CACNA1B: variants seen among roughly 807,000 people sequenced by gnomAD.
CACNA1B encodes voltage-dependent N-type calcium channel subunit alpha-1B.
A neutral mutation model predicts 247.2 loss-of-function variants in CACNA1B; 70 were observed. The ratio of observed to expected loss-of-function variants is 0.28; its 90% confidence interval spans 0.23 to 0.35. The LOEUF is 0.35. Ranked by LOEUF, CACNA1B falls within the 10% of genes least tolerant of loss-of-function variation. CACNA1B has a pLI of 1.00. For synonymous variants in CACNA1B, 1,231 were observed against 1,294.4 expected (o/e 0.95, Z 1.05); for missense variants, 2,367 against 3,197.4 (o/e 0.74, Z 6.26).
At chr9:138,022,698 G>T (rs1209980980) in intron 18 of CACNA1B, among the ~76,000 whole-genome samples, 1 of 151,966 alleles carries the variant, frequency 6.6e-6, no homozygotes, top group Admixed American at 6.5e-5. Flanking sequence ...CACCTGCTTG[G>T]CCTGTCTGGT....
At chr9:137,987,451 T>C (rs957906662) in intron 15 of CACNA1B, among the ~76,000 whole-genome samples, 1 of 152,202 alleles carries the variant, frequency 6.6e-6, no homozygotes, top group African/African-American at 2.4e-5. Context: ...TGCCCATGAC[T>C]GGCCTTACTG....
Position 138,120,851 on chromosome 9 carries a change from A to T in CACNA1B, c.6459A>T (p.Thr2153=). 1 of 1,573,240 alleles carries T rather than the reference A, an allele frequency of 6.4e-7. No individual in the cohort carries two copies. Among genetic ancestry groups the T allele is most frequent in the Non-Finnish European group, 8.6e-7 (1 of 1,159,700 alleles). ...PSLSSHPTSP[T]AGQEPGPHPQ... is the part of the protein sequence containing the mutation. ...TCAGCAGCCACCCAACGTCGCCAAC[A>T]GCTGGCCAGGAGCCGGGACCCCACC... Residue 2153 remains threonine, a synonymous_variant, in exon 46 of 47, where the codon ACA becomes ACT. Transcript: ENST00000371372.
At chr9:137,967,083 C>T (rs1958088229) in intron 10 of CACNA1B, among the ~76,000 whole-genome samples, 1 of 151,986 alleles carries the variant, frequency 6.6e-6, no homozygotes, top group South Asian at 2.1e-4. Context: ...CCAAGTTCTG[C>T]TGCTTTAATC....
chr9:138,112,306 C>G, intron 39 of CACNA1B, 92 bp from the exon 40 acceptor site: 1 of 850,720 alleles, frequency 1.2e-6, no homozygotes, highest in South Asian at 1.5e-5. Flanking sequence ...CCATTCATCT[C>G]CCCACCTGCA....
At position 138,020,555 on chromosome 9, in the gene CACNA1B, C is replaced by G. The variant is rs1958831970; in HGVS notation, c.2268-2456C>G. ...CCTAGGGGATACCTCCAGAGAGGAACTTGGTGGTGCTGGCCGAGTGAGGGC... is the reference window on the plus strand; with the variant it reads ...CCTAGGGGATACCTCCAGAGAGGAAGTTGGTGGTGCTGGCCGAGTGAGGGC... On this transcript the variant is annotated intron_variant, in intron 18 of 46. Coordinates refer to ENST00000371372, the MANE Select transcript of CACNA1B (RefSeq NM_000718.4). The surrounding 1 kb of genome is among the most constrained non-coding windows in gnomAD (Gnocchi z 4.1). Among the ~76,000 whole-genome samples the G allele has an allele frequency of 6.6e-6, 1 of 152,162 alleles. No homozygotes were observed. Among genetic ancestry groups the G allele is most frequent in the South Asian group, 2.1e-4 (1 of 4,832 alleles).
rs200099852 is a variant in CACNA1B at position 138,006,805 on chromosome 9, C to T, written c.2013C>T (p.His671=). ...AGGACTGGAATGCAGTGATGTATCA[C>T]GGGATCGAATCGCAAGGCGGCGTCA... is the stretch of plus-strand genomic sequence containing the variant. ...TGEDWNAVMY[H]GIESQGGVSK... The change falls in exon 16 of 47, where the codon CAC becomes CAT. Residue 671 remains histidine, a synonymous_variant. Coordinates refer to ENST00000371372, the MANE Select transcript of CACNA1B (RefSeq NM_000718.4). 8.1e-6 allele frequency: 13 copies of T among 1,610,456 alleles called. No homozygotes were observed. The highest frequency in any genetic ancestry group is 4.0e-5 in the African/African-American group (3 of 74,850).
Position 138,122,168 on chromosome 9 carries a change from T to TA in CACNA1B, c.*172dup. ...CCCCTCTTTTACTCTAGACGACGAA[T>TA]AAAGCCCTGTTAGAGGATGCGGCTC... On this transcript the variant is annotated 3_prime_UTR_variant, in exon 47 of 47. Coordinates refer to ENST00000371372, the MANE Select transcript of CACNA1B (RefSeq NM_000718.4). 1.6e-6 allele frequency: 1 copy of TA among 618,914 alleles called. No homozygotes were observed. The highest frequency in any genetic ancestry group is 2.8e-6 in the Non-Finnish European group (1 of 354,276). 38.3% of individuals were successfully genotyped at this position (618,914 alleles called of 1,614,324 possible). A position where few individuals can be genotyped will look rare whatever the true frequency, so the allele number is the denominator to read the frequency against.
intron 15 of CACNA1B, among the ~76,000 whole-genome samples, chr9:138,004,354 C>T (rs978279231): frequency 6.6e-6 from 1 of 151,738 alleles, no homozygotes; most frequent in Non-Finnish European, 1.5e-5. Context: ...TCAAGACCAG[C>T]CTGGGCAACA....
At position 137,957,113 on chromosome 9, in the gene CACNA1B, G is replaced by A. The variant is rs370229393; in HGVS notation, c.1243+286G>A. 2.2e-4 allele frequency among the ~76,000 whole-genome samples: 34 copies of A among 152,204 alleles called. No homozygotes were observed. Among genetic ancestry groups the A allele is most frequent in the African/African-American group, 7.7e-4 (32 of 41,450 alleles). ...TGGCACAACCTGGGGCCATGAGAGGGAGCCCGGGCCCCACTGCTGTGGTTG... is the reference window on the plus strand; with the variant it reads ...TGGCACAACCTGGGGCCATGAGAGGAAGCCCGGGCCCCACTGCTGTGGTTG... On this transcript the variant is annotated intron_variant, in intron 9 of 46. Transcript: ENST00000371372. The surrounding 1 kb of genome is among the most constrained non-coding windows in gnomAD (Gnocchi z 4.7).
At position 137,952,740 on chromosome 9, in the gene CACNA1B, GGT is replaced by G. The variant is rs1957893367; in HGVS notation, c.1070+364_1070+365del. On this transcript the variant is annotated intron_variant, in intron 7 of 46. Transcript: ENST00000371372. This position sits in a 1 kb window ranked among gnomAD's most constrained non-coding sequence, Gnocchi z 4.8. ...GTTGGTCTGGGGGGATGGGAGGTGT[GGT>G]CTGTATTGGGAGGTTGGTCTGGGTG... Among the ~76,000 whole-genome samples the G allele has an allele frequency of 6.7e-6, 1 of 150,026 alleles. No homozygotes were observed. Among genetic ancestry groups the G allele is most frequent in the Non-Finnish European group, 1.5e-5 (1 of 67,762 alleles).
intron 3 of CACNA1B, among the ~76,000 whole-genome samples, chr9:137,911,638 C>T (rs1321795029): frequency 2.0e-5 from 3 of 152,254 alleles, no homozygotes; most frequent in East Asian, 1.9e-4. Context: ...AGGCTGGTCT[C>T]GAACTCCTGA....
intron 10 of CACNA1B, among the ~76,000 whole-genome samples, chr9:137,970,704 A>T (rs1434101533): frequency 6.6e-6 from 1 of 152,132 alleles, no homozygotes; most frequent in Non-Finnish European, 1.5e-5. Flanking sequence ...CGCATTTCAC[A>T]CTTGGGATAT....
At chr9:137,898,953 G>T (rs1393190707) in intron 3 of CACNA1B, among the ~76,000 whole-genome samples, 2 of 151,696 alleles carry the variant, frequency 1.3e-5, no homozygotes, top group African/African-American at 4.8e-5. Context: ...AAATTTTTTT[G>T]TTGAGATGGA....
Position 138,121,842 on chromosome 9 carries a change from C to T in CACNA1B, c.6863C>T (p.Ser2288Leu), listed in dbSNP as rs1362550170. 8 of 1,613,352 alleles carry T rather than the reference C, an allele frequency of 5.0e-6. No homozygotes were observed. Among genetic ancestry groups the T allele is most frequent in the Non-Finnish European group, 5.1e-6 (6 of 1,179,866 alleles). ...LTFEEAVATN[S>L]GRSSRTSYVS... ...TTCGAGGAGGCTGTGGCCACCAACT[C>T]GGGCCGCTCCTCCAGGACTTCCTAC... Residue 2288 changes from serine to leucine, a missense_variant, in exon 47 of 47, where the codon TCG becomes TTG. Physicochemically the swap from Ser to Leu is moderately radical, Grantham distance 145 (BLOSUM62 -2). Transcript: ENST00000371372. The surrounding 1 kb of genome is among the most constrained non-coding windows in gnomAD (Gnocchi z 6.8).
intron 41 of CACNA1B, 41 bp from the exon 42 acceptor site, chr9:138,115,511 G>A (rs1203574452): frequency 6.3e-7 from 1 of 1,597,524 alleles, no homozygotes; most frequent in Non-Finnish European, 8.5e-7. Flanking sequence ...CACATTGCAG[G>A]CCCATTGGAG....
chr9:138,038,972 G>A (rs1039121867), intron 20 of CACNA1B, among the ~76,000 whole-genome samples: 2 of 152,020 alleles, frequency 1.3e-5, no homozygotes, highest in Non-Finnish European at 2.9e-5. Context: ...ATCACCTGGT[G>A]TCAGGAGTTC....
At chr9:138,076,353 C>T (rs1256211969) in intron 35 of CACNA1B, among the ~76,000 whole-genome samples, 1 of 152,194 alleles carries the variant, frequency 6.6e-6, no homozygotes, top group Non-Finnish European at 1.5e-5. Context: ...AGTAGGGCAA[C>T]AGGGGGAACT....
intron 16 of CACNA1B, 34 bp downstream of exon 16, chr9:138,006,918 C>A: frequency 8.7e-7 from 1 of 1,144,738 alleles, no homozygotes; most frequent in Non-Finnish European, 1.3e-6. Context: ...AGAGGGTGGT[C>A]AGTGCTTGGC....
chr9:137,899,838 A>ACC lies in CACNA1B; in HGVS notation c.531-13338_531-13337dup, dbSNP rs752327450. On this transcript the variant is annotated intron_variant, in intron 3 of 46. Transcript: ENST00000371372. This position sits in a 1 kb window ranked among gnomAD's most constrained non-coding sequence, Gnocchi z 5.0. ...CTGACCCACCTGCCCCGGCCCAGGG[A>ACC]CCCCCGCACCTGTGCAGGATTTGTG... Among the ~76,000 whole-genome samples the ACC allele has an allele frequency of 5.7e-4, 87 of 151,828 alleles. No individual in the cohort carries two copies. The highest frequency in any genetic ancestry group is 9.9e-4 in the Non-Finnish European group (67 of 67,924).
Sources: gnomAD v4.1 joint callset for allele counts (sites outside exome capture counted in the v4.1 genomes callset) on GRCh38, gnomAD v4.1.1 for gene constraint, Gnocchi (gnomAD v3.1) non-coding constraint, MANE v1.5 for transcripts, NCBI Gene and HGNC (gene_info 2026-07-23, HGNC 2026-07-21) for gene names.